The following TNIK variants were observed in gnomAD, a reference collection of about 807,000 sequenced individuals.
TNIK encodes the protein TRAF2 and NCK-interacting protein kinase.
In TNIK, 49 loss-of-function variants were observed where a neutral mutation model predicts 191.3. That is an observed-to-expected ratio of 0.26 (90% CI 0.20 to 0.32). The LOEUF (loss-of-function observed/expected upper bound fraction) is 0.32. Ranked by LOEUF, TNIK falls within the 10% of genes least tolerant of loss-of-function variation. TNIK has a pLI of 1.00. For missense variants in TNIK, 1,155 were observed against 1,702.3 expected, an observed-to-expected ratio of 0.68 and a Z score of 5.66; for synonymous variants, 594 against 600.9, an observed-to-expected ratio of 0.99 and a Z score of 0.17.
At chr3:171,410,025 G>A (rs989829129) in intron 1 of TNIK, among the ~76,000 whole-genome samples, 11 of 151,730 alleles carry the variant, frequency 7.2e-5, no homozygotes, top group African/African-American at 2.7e-4. Context: ...AACAAGCAAG[G>A]CAAAGTTAAA....
intron 12 of TNIK, among the ~76,000 whole-genome samples, chr3:171,144,387 T>C (rs1731252482): frequency 6.6e-6 from 1 of 151,930 alleles, no homozygotes; most frequent in African/African-American, 2.4e-5. Flanking sequence ...GATGATTTCT[T>C]TTTAGGACAA....
chr3:171,316,251 G>A (rs1754584294), intron 2 of TNIK, among the ~76,000 whole-genome samples: 1 of 152,064 alleles, frequency 6.6e-6, no homozygotes, highest in Admixed American at 6.6e-5. Flanking sequence ...AATAATCGTT[G>A]AATGAATGTA....
intron 12 of TNIK, among the ~76,000 whole-genome samples, chr3:171,155,307 G>A (rs982110353): frequency 6.6e-6 from 1 of 152,176 alleles, no homozygotes. Context: ...GTTCCTGGTG[G>A]GAGAGAATGT....
chr3:171,118,848 C>T (rs1303386143), intron 18 of TNIK, among the ~76,000 whole-genome samples: 1 of 152,120 alleles, frequency 6.6e-6, no homozygotes, highest in Non-Finnish European at 1.5e-5. Context: ...AGAATAAAAC[C>T]TAGGCAATAC....
chr3:171,118,398 A>T (rs1340550223), intron 18 of TNIK, among the ~76,000 whole-genome samples: 1 of 152,236 alleles, frequency 6.6e-6, no homozygotes, highest in Non-Finnish European at 1.5e-5. Context: ...CATCCCCATC[A>T]AGCTACCAAT....
In TNIK at chr3:171,061,523, T is replaced by C. The variant is rs1005477123; in HGVS notation, c.*2358A>G. The C allele has an allele frequency of 5.9e-5, 9 of 152,218 alleles. No homozygotes were observed. The highest frequency in any genetic ancestry group is 2.2e-4 in the African/African-American group (9 of 41,452). The allele number at this position is 152,218 out of a possible 1,614,324, so 9.4% of individuals were successfully genotyped here. On this transcript the variant is annotated 3_prime_UTR_variant, in exon 33 of 33. Coordinates refer to ENST00000436636, the MANE Select transcript of TNIK (RefSeq NM_015028.4). ...ATGTTTAAACACAATGATTCCCTTTTATTTCTTAACTGTACCCAAAATCCC... is the reference window on the plus strand; with the variant it reads ...ATGTTTAAACACAATGATTCCCTTTCATTTCTTAACTGTACCCAAAATCCC...
intron 2 of TNIK, among the ~76,000 whole-genome samples, chr3:171,314,658 GGTTACCT>G (rs1754405444): frequency 6.6e-6 from 1 of 152,104 alleles, no homozygotes; most frequent in Non-Finnish European, 1.5e-5. Flanking sequence ...GGGTGAGTGT[GGTTACCT>G]GTCCTCCAAA....
At chr3:171,120,219 A>G (rs1357772423) in intron 18 of TNIK, among the ~76,000 whole-genome samples, 1 of 152,220 alleles carries the variant, frequency 6.6e-6, no homozygotes, top group Non-Finnish European at 1.5e-5. Flanking sequence ...ACTAGAAAAC[A>G]TCTTGCACTT....
At chr3:171,363,274 T>A (rs1203822576) in intron 2 of TNIK, among the ~76,000 whole-genome samples, 1 of 152,086 alleles carries the variant, frequency 6.6e-6, no homozygotes, top group Non-Finnish European at 1.5e-5. Flanking sequence ...ATGTTCTTCC[T>A]CCCCAGTAAA....
At chr3:171,131,391 A>G (rs1482586039) in intron 15 of TNIK, among the ~76,000 whole-genome samples, 1 of 143,704 alleles carries the variant, frequency 7.0e-6, no homozygotes, top group East Asian at 2.2e-4. Context: ...AACAGGGCAG[A>G]AACTAGGGTA....
intron 2 of TNIK, among the ~76,000 whole-genome samples, chr3:171,258,791 G>A (rs147198154): frequency 7.2e-4 from 109 of 152,090 alleles, no homozygotes; most frequent in African/African-American, 2.5e-3. Context: ...CTGGAAGTGG[G>A]GTTTATCCTA....
chr3:171,089,669 C>T (rs1447650919), intron 23 of TNIK, among the ~76,000 whole-genome samples: 2 of 152,206 alleles, frequency 1.3e-5, no homozygotes, highest in African/African-American at 4.8e-5. Context: ...TCTTATTAAA[C>T]ACTTTCTGTG....
chr3:171,255,274 T>A (rs1034792007), intron 2 of TNIK, among the ~76,000 whole-genome samples: 3 of 152,148 alleles, frequency 2.0e-5, no homozygotes, highest in Non-Finnish European at 2.9e-5. Flanking sequence ...AATCCCACAT[T>A]CAAATGAACC....
intron 1 of TNIK, among the ~76,000 whole-genome samples, chr3:171,445,647 A>G (rs1444324896): frequency 1.3e-5 from 2 of 152,170 alleles, no homozygotes; most frequent in African/African-American, 4.8e-5. Flanking sequence ...CACCATCTAA[A>G]TTGGCAACAC....
intron 1 of TNIK, among the ~76,000 whole-genome samples, chr3:171,447,345 T>A (rs1727642498): frequency 6.6e-6 from 1 of 150,660 alleles, no homozygotes; most frequent in African/African-American, 2.4e-5. Flanking sequence ...ACATTGGTCA[T>A]CTTACAAAAC....
At chr3:171,173,982 C>T (rs1233014481) in intron 9 of TNIK, among the ~76,000 whole-genome samples, 3 of 152,092 alleles carry the variant, frequency 2.0e-5, no homozygotes, top group Admixed American at 1.3e-4. Flanking sequence ...AATGGGAGGG[C>T]TGTTGCTGGG....
chr3:171,308,008 A>G (rs1288891238), intron 2 of TNIK, among the ~76,000 whole-genome samples: 2 of 152,122 alleles, frequency 1.3e-5, no homozygotes, highest in Admixed American at 1.3e-4. Flanking sequence ...ATCCCAAGCA[A>G]TTTACAGATT....
intron 12 of TNIK, among the ~76,000 whole-genome samples, chr3:171,145,376 G>T (rs538301530): frequency 7.9e-4 from 120 of 152,046 alleles, no homozygotes; most frequent in African/African-American, 2.8e-3. Context: ...GTGAGCCACC[G>T]CACCCGGCCA....
intron 2 of TNIK, among the ~76,000 whole-genome samples, chr3:171,276,127 C>T (rs1749714106): frequency 6.6e-6 from 1 of 152,114 alleles, no homozygotes. Flanking sequence ...TAATTTTCAT[C>T]TTAGAATTCT....
Sources: allele counts gnomAD v4.1 joint callset (sites outside exome capture counted in the v4.1 genomes callset), GRCh38; gene constraint gnomAD v4.1.1; transcripts MANE v1.5; gene names NCBI Gene and HGNC (gene_info 2026-07-23, HGNC 2026-07-21).